Variants in SLC25A21 observed in about 807,000 individuals in gnomAD.
The protein encoded by SLC25A21 is mitochondrial 2-oxodicarboxylate carrier.
A neutral mutation model predicts 43.8 loss-of-function variants in SLC25A21; 47 were observed. The ratio of observed to expected loss-of-function variants is 1.07; its 90% CI spans 0.85 to 1.37. SLC25A21 has a LOEUF of 1.37. Ranked by LOEUF, SLC25A21 falls within the 40% of genes most tolerant of loss-of-function variation. The pLI is 0.00. For missense variants in SLC25A21, 352 were observed against 350.2 expected (o/e 1.00, Z -0.04); for synonymous variants, 131 against 121.3 (o/e 1.08, Z -0.52).
At chr14:36,975,425 A>G (rs2138691756) in intron 1 of SLC25A21, among the ~76,000 whole-genome samples, 1 of 152,336 alleles carries the variant, frequency 6.6e-6, no homozygotes, top group East Asian at 1.9e-4. Context: ...AAACCAAGGA[A>G]AAATGTAAGA....
intron 1 of SLC25A21, among the ~76,000 whole-genome samples, chr14:37,017,925 T>C (rs945650875): frequency 2.0e-5 from 3 of 151,970 alleles, no homozygotes; most frequent in African/African-American, 7.2e-5. Flanking sequence ...TGGTTAATGG[T>C]GCAATCCCTT....
chr14:36,755,684 T>C (rs970943055), intron 3 of SLC25A21, among the ~76,000 whole-genome samples: 15 of 152,232 alleles, frequency 9.9e-5, no homozygotes, highest in African/African-American at 3.4e-4. Flanking sequence ...ATATCAAATA[T>C]ATGAACACAT....
intron 1 of SLC25A21, among the ~76,000 whole-genome samples, chr14:37,014,734 A>G (rs2138744072): frequency 6.6e-6 from 1 of 152,270 alleles, no homozygotes; most frequent in African/African-American, 2.4e-5. Flanking sequence ...ATAGCCTTCC[A>G]AAATATAATT....
rs1182001524 is a variant in SLC25A21, at chr14:36,678,726, GTTA to G, written c.*1929_*1931del. 6 of 1,188,044 alleles carry G rather than the reference GTTA, an allele frequency of 5.1e-6. No homozygotes were observed. The highest frequency in any genetic ancestry group is 4.7e-5 in the African/African-American group (3 of 63,650). 73.6% of individuals were successfully genotyped at this position (1,188,044 alleles called of 1,614,324 possible). ...CTTTATCTAAATTAAGAAATCTCTTGTTATTGTGCTATTTATAATTTTTTTCTG... is the reference window on the plus strand; with the variant it reads ...CTTTATCTAAATTAAGAAATCTCTTGTTGTGCTATTTATAATTTTTTTCTG... On this transcript the variant is annotated 3_prime_UTR_variant, in exon 10 of 10. Transcript: ENST00000331299.
chr14:37,108,323 C>CA (rs970012040), intron 1 of SLC25A21, among the ~76,000 whole-genome samples: 7 of 151,370 alleles, frequency 4.6e-5, no homozygotes, highest in South Asian at 2.1e-4. Flanking sequence ...TTTATTCTTA[C>CA]AAAAAAAAAT....
At chr14:36,882,134 G>A (rs1412771265) in intron 1 of SLC25A21, among the ~76,000 whole-genome samples, 1 of 152,190 alleles carries the variant, frequency 6.6e-6, no homozygotes, top group African/African-American at 2.4e-5. Context: ...TGTAATCCCA[G>A]CACTTTGGGA....
chr14:36,963,018 G>A (rs1334189404), intron 1 of SLC25A21, among the ~76,000 whole-genome samples: 1 of 152,166 alleles, frequency 6.6e-6, no homozygotes, highest in Non-Finnish European at 1.5e-5. Flanking sequence ...GTTTTTGGCA[G>A]AAAAGTTATT....
intron 1 of SLC25A21, among the ~76,000 whole-genome samples, chr14:37,106,028 TCTTTA>T (rs1428251474): frequency 2.0e-5 from 3 of 152,184 alleles, no homozygotes; most frequent in Non-Finnish European, 1.5e-5. Context: ...CTTATGCCTG[TCTTTA>T]CTTTACTCTC....
At chr14:36,949,885 G>C (rs987226299) in intron 1 of SLC25A21, among the ~76,000 whole-genome samples, 7 of 152,152 alleles carry the variant, frequency 4.6e-5, no homozygotes, top group African/African-American at 1.4e-4. Flanking sequence ...TCAAAAAGGT[G>C]GGGGAAGGGG....
intron 1 of SLC25A21, among the ~76,000 whole-genome samples, chr14:36,882,044 A>G (rs1349718660): frequency 6.6e-6 from 1 of 152,172 alleles, no homozygotes; most frequent in Non-Finnish European, 1.5e-5. Flanking sequence ...CTACAGTTCC[A>G]TTGCATGCAC....
chr14:36,861,697 T>C lies in SLC25A21; in HGVS notation c.119+13259A>G, dbSNP rs546336668. ...CTTAGAGCTTAACTAGAAAACATTT[T>C]TAAAACTGTTACAATAGCAAAATAA... On this transcript the variant is annotated intron_variant, in intron 2 of 9. Transcript: ENST00000331299. Among the ~76,000 whole-genome samples the C allele has an allele frequency of 1.4e-4, 22 of 152,352 alleles. 1 individual carries two copies. The South Asian group carries it at 3.1e-3, about 22-fold the overall frequency.
At chr14:36,982,126 T>C (rs1186888400) in intron 1 of SLC25A21, among the ~76,000 whole-genome samples, 1 of 140,576 alleles carries the variant, frequency 7.1e-6, no homozygotes, top group African/African-American at 3.3e-5. Context: ...TGATGTGATC[T>C]CATTATTTAC....
intron 3 of SLC25A21, among the ~76,000 whole-genome samples, chr14:36,742,842 T>C (rs571644184): frequency 6.6e-6 from 1 of 152,340 alleles, no homozygotes; most frequent in South Asian, 2.1e-4. Flanking sequence ...CATATGGTCT[T>C]TGGATTGATT....
At chr14:36,786,084 C>T (rs773506009) in intron 3 of SLC25A21, among the ~76,000 whole-genome samples, 15 of 152,200 alleles carry the variant, frequency 9.9e-5, no homozygotes, top group Non-Finnish European at 1.8e-4. Context: ...AGTGTATAAG[C>T]AAGAGCGTGG....
At chr14:37,024,888 T>C (rs1467095543) in intron 1 of SLC25A21, among the ~76,000 whole-genome samples, 1 of 152,114 alleles carries the variant, frequency 6.6e-6, no homozygotes. Context: ...CATAACAAAG[T>C]GCAATATTTA....
intron 1 of SLC25A21, among the ~76,000 whole-genome samples, chr14:37,035,945 A>G (rs1324317670): frequency 6.6e-6 from 1 of 152,210 alleles, no homozygotes; most frequent in Admixed American, 6.5e-5. Context: ...TTGTGCTTGG[A>G]GTCAAAATAC....
In SLC25A21 at chr14:36,680,292, A is replaced by G. The variant is rs1012674943; in HGVS notation, c.*366T>C. 2.7e-5 allele frequency: 26 copies of G among 976,184 alleles called. No individual in the cohort carries two copies. In the African/African-American group the frequency reaches 4.4e-4, roughly 16 times the overall value. 60.5% of individuals were successfully genotyped at this position (976,184 alleles called of 1,614,324 possible). On this transcript the variant is annotated 3_prime_UTR_variant, in exon 10 of 10. Transcript: ENST00000331299. ...TTTTCAATAGTTTAAGCATTTCTAG[A>G]CCTCTTAGGAAAAATGCTGATCAAT...
At chr14:36,718,120 A>G (rs926454751) in intron 6 of SLC25A21, among the ~76,000 whole-genome samples, 4 of 152,202 alleles carry the variant, frequency 2.6e-5, no homozygotes, top group Non-Finnish European at 5.9e-5. Context: ...TATATAGTAG[A>G]TATTCTGTAA....
chr14:36,948,438 G>T (rs528177842), intron 1 of SLC25A21, among the ~76,000 whole-genome samples: 3 of 152,270 alleles, frequency 2.0e-5, no homozygotes, highest in African/African-American at 7.2e-5. Context: ...TTTGCACTCA[G>T]AGAAAACTGT....
Sources: allele counts gnomAD v4.1 joint callset (sites outside exome capture counted in the v4.1 genomes callset), GRCh38; gene constraint gnomAD v4.1.1; transcripts MANE v1.5; gene names NCBI Gene and HGNC (gene_info 2026-07-23, HGNC 2026-07-21).